Variants in TRDN observed in about 807,000 individuals in gnomAD.
The protein encoded by TRDN is triadin in skeletal muscle.
In TRDN, 161 loss-of-function variants were observed where a neutral mutation model predicts 149.7. The observed-to-expected ratio is 1.08, with a 90% confidence interval of 0.95 to 1.23. The LOEUF is 1.23. Ranked by LOEUF, TRDN falls within the 50% of genes most tolerant of loss-of-function variation. The probability of loss-of-function intolerance (pLI) is 0.00; values close to 1 mark genes in which losing one functional copy is unlikely to be tolerated. For missense variants in TRDN, 896 were observed against 823.5 expected (o/e 1.09, Z -1.08); for synonymous variants, 294 against 250.5 (o/e 1.17, Z -1.64).
chr6:123,232,442 G>A (rs923074619), intron 38 of TRDN, among the ~76,000 whole-genome samples: 1 of 152,012 alleles, frequency 6.6e-6, no homozygotes, highest in Non-Finnish European at 1.5e-5. Context: ...AACTGAAAGA[G>A]TAGAGAGAAA....
intron 5 of TRDN, chr6:123,529,569 T>C: frequency 2.0e-6 from 1 of 501,404 alleles, no homozygotes; most frequent in Non-Finnish European, 3.6e-6. Context: ...ATTCACGTGC[T>C]AGTATAATTT....
intron 1 of TRDN, among the ~76,000 whole-genome samples, chr6:123,629,681 G>A (rs899093384): frequency 6.6e-6 from 1 of 152,072 alleles, no homozygotes; most frequent in African/African-American, 2.4e-5. Context: ...GTGAGATAGA[G>A]TCTGCAGTTT....
intron 23 of TRDN, among the ~76,000 whole-genome samples, chr6:123,323,807 T>C (rs964598756): frequency 6.6e-6 from 1 of 152,246 alleles, no homozygotes; most frequent in African/African-American, 2.4e-5. Context: ...ACCACACTTC[T>C]GATAGTGTCA....
intron 1 of TRDN, among the ~76,000 whole-genome samples, chr6:123,579,924 T>C (rs1412113862): frequency 2.0e-5 from 3 of 152,168 alleles, no homozygotes; most frequent in Non-Finnish European, 2.9e-5. Context: ...CTTACTTTCC[T>C]TTCACCTTCC....
intron 24 of TRDN, among the ~76,000 whole-genome samples, chr6:123,296,140 T>A (rs562245057): frequency 6.6e-6 from 1 of 152,286 alleles, no homozygotes; most frequent in South Asian, 2.1e-4. Context: ...ATCTATTTAC[T>A]CAACTCGTGA....
chr6:123,488,686 T>A (rs1778076482), intron 9 of TRDN: 1 of 148,250 alleles, frequency 6.7e-6, no homozygotes, highest in South Asian at 2.1e-4. Flanking sequence ...CTCCAAACGA[T>A]CTTGTACAAC....
chr6:123,568,853 T>C (rs1782419516), intron 2 of TRDN, among the ~76,000 whole-genome samples: 1 of 152,230 alleles, frequency 6.6e-6, no homozygotes, highest in Admixed American at 6.5e-5. Context: ...TTTTCCCATT[T>C]TCTTGGCTAT....
At chr6:123,535,581 G>A (rs1264212308) in intron 4 of TRDN, among the ~76,000 whole-genome samples, 1 of 152,058 alleles carries the variant, frequency 6.6e-6, no homozygotes, top group Non-Finnish European at 1.5e-5. Context: ...TTTCATTAAG[G>A]AACTCAGAGA....
rs146285252 is a variant in TRDN, at chr6:123,576,900, G to C, written c.23-5768C>G. ...TGGCAATTTAGGGCTTTCATGAAAA[G>C]TGTCAGGAGACATGTGACATCAGTT... On this transcript the variant is annotated intron_variant, in intron 1 of 40. Coordinates refer to ENST00000334268, the MANE Select transcript of TRDN (RefSeq NM_006073.4). 9.9e-4 allele frequency among the ~76,000 whole-genome samples: 150 copies of C among 152,098 alleles called. 2 individuals carry two copies. In the East Asian group the frequency reaches 0.021, roughly 21 times the overall value.
chr6:123,407,406 T>C (rs1027176627), intron 12 of TRDN, among the ~76,000 whole-genome samples: 1 of 152,180 alleles, frequency 6.6e-6, no homozygotes, highest in African/African-American at 2.4e-5. Context: ...GTAAATACTA[T>C]CATTTCTTGG....
At chr6:123,372,186 G>C (rs1217954731) in intron 19 of TRDN, among the ~76,000 whole-genome samples, 2 of 151,854 alleles carry the variant, frequency 1.3e-5, no homozygotes, top group South Asian at 2.1e-4. Flanking sequence ...AAAAAACCAT[G>C]CAATTTTATT....
At chr6:123,494,178 G>C (rs1778335669) in intron 9 of TRDN, among the ~76,000 whole-genome samples, 1 of 152,202 alleles carries the variant, frequency 6.6e-6, no homozygotes, top group Middle Eastern at 3.4e-3. Context: ...TATAGAACTA[G>C]GAATTATCTT....
At chr6:123,438,158 T>C in intron 11 of TRDN, 36 bp from the exon 12 acceptor site, 3 of 1,471,436 alleles carry the variant, frequency 2.0e-6, no homozygotes, top group Non-Finnish European at 2.8e-6. Context: ...AGCCTTTACC[T>C]GTTTAACTTG....
chr6:123,572,248 C>T (rs1166037789), intron 1 of TRDN, among the ~76,000 whole-genome samples: 1 of 151,988 alleles, frequency 6.6e-6, no homozygotes, highest in Non-Finnish European at 1.5e-5. Context: ...CTCCATTTTT[C>T]TGTAAACCTC....
chr6:123,273,710 G>T (rs550611444), intron 27 of TRDN, among the ~76,000 whole-genome samples: 1 of 152,088 alleles, frequency 6.6e-6, no homozygotes, highest in Non-Finnish European at 1.5e-5. Context: ...GGTAAGTTCT[G>T]GTGAGAATTC....
chr6:123,406,743 A>T (rs1489522714), intron 12 of TRDN, among the ~76,000 whole-genome samples: 1 of 152,196 alleles, frequency 6.6e-6, no homozygotes, highest in Non-Finnish European at 1.5e-5. Context: ...ATTTCTATAC[A>T]GCAAATTTAT....
intron 2 of TRDN, among the ~76,000 whole-genome samples, chr6:123,552,719 T>G (rs567680604): frequency 6.6e-6 from 1 of 152,306 alleles, no homozygotes; most frequent in African/African-American, 2.4e-5. Flanking sequence ...AATTTTTGAG[T>G]GTTTTGGAGG....
intron 38 of TRDN, among the ~76,000 whole-genome samples, chr6:123,247,733 G>T (rs1352691239): frequency 1.3e-5 from 2 of 152,114 alleles, no homozygotes; most frequent in Non-Finnish European, 2.9e-5. Context: ...TTTCTTCACA[G>T]AATTAGAAAA....
chr6:123,594,814 A>G (rs1783956928), intron 1 of TRDN, among the ~76,000 whole-genome samples: 1 of 152,066 alleles, frequency 6.6e-6, no homozygotes, highest in African/African-American at 2.4e-5. Context: ...GTTTTAAAAC[A>G]TCAAGCTTAT....
Sources: gnomAD v4.1 joint callset for allele counts (sites outside exome capture counted in the v4.1 genomes callset) on GRCh38, gnomAD v4.1.1 for gene constraint, MANE v1.5 for transcripts, NCBI Gene and HGNC (gene_info 2026-07-23, HGNC 2026-07-21) for gene names.